CACNA1A: variants seen among roughly 807,000 people sequenced by gnomAD.
CACNA1A encodes voltage-dependent P/Q-type calcium channel subunit alpha-1A.
CACNA1A carries 57 observed loss-of-function variants against 262.4 expected under a neutral mutation model. That is an observed-to-expected ratio of 0.22 (90% CI 0.18 to 0.27). The LOEUF (loss-of-function observed/expected upper bound fraction) is 0.27, where lower values mean the gene tolerates loss of function less well. Among genes scored for constraint, CACNA1A ranks in the 10% least tolerant of loss-of-function variants. The pLI, the probability that CACNA1A is intolerant of heterozygous loss-of-function variation, is 1.00. For missense variants in CACNA1A, 2,526 were observed against 3,562.8 expected, an observed-to-expected ratio of 0.71 and a Z score of 7.41; for synonymous variants, 1,431 against 1,419.3, an observed-to-expected ratio of 1.01 and a Z score of -0.18.
At chr19:13,258,584 C>T (rs2084532051) in intron 27 of CACNA1A, 1 of 152,152 alleles carries the variant, frequency 6.6e-6, no homozygotes, top group South Asian at 2.1e-4. Context: ...TTTAAAAAAA[C>T]TTTGCTCAAA....
intron 5 of CACNA1A, among the ~76,000 whole-genome samples, chr19:13,361,804 A>G (rs1010679999): frequency 2.0e-5 from 3 of 152,226 alleles, no homozygotes; most frequent in African/African-American, 7.2e-5. Flanking sequence ...TCTTTTAAAC[A>G]TAAGGCTCAG....
At chr19:13,209,161 C>G (rs2054705595) in intron 45 of CACNA1A, 151 bp downstream of exon 45, 16 of 1,308,142 alleles carry the variant, frequency 1.2e-5, no homozygotes, top group Admixed American at 2.4e-5. Context: ...GGGTAGTACC[C>G]AGGTTCCTGC....
intron 21 of CACNA1A, chr19:13,284,616 G>A (rs746013719): frequency 1.5e-4 from 24 of 155,152 alleles, no homozygotes; most frequent in Non-Finnish European, 3.0e-4. Flanking sequence ...GACACTATCC[G>A]CCCAGAATCT....
At chr19:13,449,123 T>A (rs2060870002) in intron 3 of CACNA1A, among the ~76,000 whole-genome samples, 1 of 151,946 alleles carries the variant, frequency 6.6e-6, no homozygotes, top group Admixed American at 6.6e-5. Flanking sequence ...TGCGTCATCA[T>A]GCCTGGCTAA....
At chr19:13,406,592 G>T (rs975779503) in intron 3 of CACNA1A, among the ~76,000 whole-genome samples, 1 of 145,642 alleles carries the variant, frequency 6.9e-6, no homozygotes, top group Non-Finnish European at 1.5e-5. Context: ...TGCATTCAGT[G>T]TCCACTCCCC....
chr19:13,481,590 T>C (rs960578202), intron 1 of CACNA1A, among the ~76,000 whole-genome samples: 1 of 152,090 alleles, frequency 6.6e-6, no homozygotes, highest in Non-Finnish European at 1.5e-5. Flanking sequence ...CCCTGGGGGC[T>C]GGAGATGAGG....
At chr19:13,460,525 C>G (rs1023252328) in intron 1 of CACNA1A, among the ~76,000 whole-genome samples, 1 of 152,116 alleles carries the variant, frequency 6.6e-6, no homozygotes, top group African/African-American at 2.4e-5. Context: ...AAATTTCAGC[C>G]TAATGCATGT....
At position 13,222,542 on chromosome 19, in the gene CACNA1A, C is replaced by T. The variant is rs1309559721; in HGVS notation, c.5731+2125G>A. 6.6e-5 allele frequency among the ~76,000 whole-genome samples: 10 copies of T among 151,708 alleles called. No homozygotes were observed. The South Asian group carries it at 1.9e-3, about 28-fold the overall frequency. On this transcript the variant is annotated intron_variant, in intron 38 of 46. Transcript: ENST00000360228. ...TTCTGAGTAGCAGGGACTACAGGTG[C>T]GTGCCACCACACCCAGCTAATTTTT...
At chr19:13,448,872 T>C (rs2060863929) in intron 3 of CACNA1A, among the ~76,000 whole-genome samples, 2 of 152,246 alleles carry the variant, frequency 1.3e-5, no homozygotes, top group South Asian at 2.1e-4. Context: ...ATTTATCTCA[T>C]GTTGAACACA....
In CACNA1A at chr19:13,208,872, G is replaced by A; in HGVS notation, c.6664C>T (p.Pro2222Ser). ...HHHHHHHHPP[P>S]PDKDRYAQER... ...TGGGCATAGCGGTCCTTGTCGGGGG[G>A]CGGGGGATGGTGGTGGTGGTGGTGG... Residue 2222 changes from proline (P) to serine (S), a missense_variant, in exon 46 of 47, where the codon CCC becomes TCC. Pro to Ser is a moderately conservative substitution (Grantham distance 74, BLOSUM62 -1). Coordinates refer to ENST00000360228, the MANE Select transcript of CACNA1A (RefSeq NM_001127222.2). 2 of 1,536,040 alleles carry A rather than the reference G, an allele frequency of 1.3e-6. No individual in the cohort carries two copies. The highest frequency in any genetic ancestry group is 1.7e-6 in the Non-Finnish European group (2 of 1,146,864).
intron 3 of CACNA1A, among the ~76,000 whole-genome samples, chr19:13,416,388 G>A (rs1234683356): frequency 6.6e-6 from 1 of 152,170 alleles, no homozygotes; most frequent in East Asian, 1.9e-4. Context: ...CAGGCGTGAG[G>A]CACAGCATTT....
rs1463433249 is a variant in CACNA1A at position 13,256,049 on chromosome 19, G to A, written c.4591-790C>T. The A allele has an allele frequency of 2.2e-5, 3 of 135,292 alleles. No individual in the cohort carries two copies. In the East Asian group the frequency reaches 7.4e-4, roughly 34 times the overall value. The allele number at this position is 135,292 out of a possible 1,614,324, so 8.4% of individuals were successfully genotyped here. ...GCTTTGTCACCCAGGCTGGAGTGCA[G>A]TGCAATCACAGCTCACTGCAGCCTT... is the stretch of plus-strand genomic sequence containing the variant. On this transcript the variant is annotated intron_variant, in intron 28 of 46. Transcript: ENST00000360228.
intron 17 of CACNA1A, among the ~76,000 whole-genome samples, chr19:13,302,828 G>C (rs2057814578): frequency 6.6e-6 from 1 of 152,256 alleles, no homozygotes; most frequent in South Asian, 2.1e-4. Context: ...AGGGCCGGCA[G>C]ATGGAGCGTT....
chr19:13,403,377 T>C (rs570373475), intron 3 of CACNA1A, among the ~76,000 whole-genome samples: 2 of 152,176 alleles, frequency 1.3e-5, no homozygotes, highest in African/African-American at 2.4e-5. Context: ...CTCCATTTTA[T>C]AGATAAAGAA....
intron 3 of CACNA1A, among the ~76,000 whole-genome samples, chr19:13,445,210 G>A (rs2060787459): frequency 6.6e-6 from 1 of 152,046 alleles, no homozygotes; most frequent in African/African-American, 2.4e-5. Context: ...TGGTTCCTGT[G>A]TAGTTGTGTC....
At chr19:13,216,625 G>T (rs1374927620) in intron 38 of CACNA1A, among the ~76,000 whole-genome samples, 1 of 151,980 alleles carries the variant, frequency 6.6e-6, no homozygotes, top group Non-Finnish European at 1.5e-5. Flanking sequence ...ACTGTGCCTG[G>T]CCTATTATTT....
At chr19:13,265,077 G>T (rs1293721918) in intron 24 of CACNA1A, among the ~76,000 whole-genome samples, 1 of 152,080 alleles carries the variant, frequency 6.6e-6, no homozygotes, top group Non-Finnish European at 1.5e-5. Context: ...GTTTCACCGT[G>T]TTGGCCAGGC....
chr19:13,334,200 A>G, intron 8 of CACNA1A, 178 bp downstream of exon 8: 1 of 565,078 alleles, frequency 1.8e-6, no homozygotes, highest in South Asian at 2.4e-5. Context: ...GCTTCATCTT[A>G]GACTTCTTCA....
chr19:13,268,382 G>A (rs545537939), intron 24 of CACNA1A, among the ~76,000 whole-genome samples: 10 of 151,914 alleles, frequency 6.6e-5, no homozygotes, highest in Admixed American at 2.6e-4. Context: ...AAACCCTGTC[G>A]CCAAGCGGAC....
Sources: gnomAD v4.1 joint callset for allele counts (sites outside exome capture counted in the v4.1 genomes callset) on GRCh38, gnomAD v4.1.1 for gene constraint, MANE v1.5 for transcripts, NCBI Gene and HGNC (gene_info 2026-07-23, HGNC 2026-07-21) for gene names.